Variants in MCPH1 observed in about 807,000 individuals in gnomAD.
MCPH1 encodes microcephalin 1, also known as microcephalin.
Under a neutral mutation model 84.5 loss-of-function variants are expected in MCPH1, and 104 were observed. That is an observed-to-expected ratio of 1.23 (90% CI 1.05 to 1.45). The LOEUF (loss-of-function observed/expected upper bound fraction) is 1.45. Ranked by LOEUF, MCPH1 falls within the 40% of genes most tolerant of loss-of-function variation. MCPH1 has a pLI of 0.00. For missense variants in MCPH1, 1,498 were observed against 1,005.7 expected, an observed-to-expected ratio of 1.49 and a Z score of -6.62; for synonymous variants, 514 against 366.8, an observed-to-expected ratio of 1.40 and a Z score of -4.58.
chr8:6,490,065 C>A (rs1036743879), intron 11 of MCPH1, among the ~76,000 whole-genome samples: 3 of 152,036 alleles, frequency 2.0e-5, no homozygotes, highest in African/African-American at 7.2e-5. Context: ...CAGTGTAGAT[C>A]TCAGTTCCCC....
At chr8:6,589,988 C>T (rs1271649631) in intron 12 of MCPH1, among the ~76,000 whole-genome samples, 1 of 152,136 alleles carries the variant, frequency 6.6e-6, no homozygotes, top group African/African-American at 2.4e-5. Flanking sequence ...AAAGACATGG[C>T]ACTGTCCCCG....
chr8:6,622,799 G>C (rs1360352208), intron 13 of MCPH1, among the ~76,000 whole-genome samples: 1 of 152,116 alleles, frequency 6.6e-6, no homozygotes, highest in Non-Finnish European at 1.5e-5. Flanking sequence ...AAGGATACCA[G>C]TCAGATTGGA....
At chr8:6,514,897 A>T in intron 12 of MCPH1, 1 of 765,430 alleles carries the variant, frequency 1.3e-6, no homozygotes, top group Non-Finnish European at 2.2e-6. Flanking sequence ...TCTCTGGGAT[A>T]TAAGGCACGG....
intron 11 of MCPH1, among the ~76,000 whole-genome samples, chr8:6,497,905 A>G (rs917663162): frequency 2.0e-5 from 3 of 152,234 alleles, no homozygotes; most frequent in African/African-American, 4.8e-5. Context: ...ATGATGTCCT[A>G]TACCACAATA....
chr8:6,637,889 T>C (rs1278510624), intron 13 of MCPH1, among the ~76,000 whole-genome samples: 1 of 152,190 alleles, frequency 6.6e-6, no homozygotes, highest in Non-Finnish European at 1.5e-5. Context: ...ATATTTTAAA[T>C]ATACATTTCA....
chr8:6,574,372 G>A (rs1826894883), intron 12 of MCPH1, among the ~76,000 whole-genome samples: 1 of 152,058 alleles, frequency 6.6e-6, no homozygotes, highest in Non-Finnish European at 1.5e-5. Flanking sequence ...TTTTTATAAA[G>A]ATGCAGTCAC....
At chr8:6,413,142 C>G (rs951774333) in intron 2 of MCPH1, among the ~76,000 whole-genome samples, 23 of 152,312 alleles carry the variant, frequency 1.5e-4, no homozygotes, top group African/African-American at 5.1e-4. Flanking sequence ...CTTTATTATA[C>G]TGTTACCTTT....
chr8:6,413,654 G>C (rs1798842701), intron 2 of MCPH1, among the ~76,000 whole-genome samples: 1 of 151,512 alleles, frequency 6.6e-6, no homozygotes, highest in Non-Finnish European at 1.5e-5. Context: ...TATTTCTGTA[G>C]AAAATTTTTT....
chr8:6,621,800 G>C, intron 13 of MCPH1, 109 bp downstream of exon 13: 1 of 1,449,410 alleles, frequency 6.9e-7, no homozygotes, highest in South Asian at 1.1e-5. Flanking sequence ...GGGGCACCTG[G>C]GTTGATGTCT....
rs569123053 is a variant in MCPH1, at chr8:6,630,796, A to C, written c.2452+9105A>C. Reference sequence around the variant, plus strand: ...AACTCTGTCCTAAAAAAAAAAAACAAAAAAAAAAAACAATTATATATCAAC... The same window carrying C: ...AACTCTGTCCTAAAAAAAAAAAACACAAAAAAAAAACAATTATATATCAAC... On this transcript the variant is annotated intron_variant, in intron 13 of 13. Transcript: ENST00000344683. 2.2e-3 allele frequency among the ~76,000 whole-genome samples: 111 copies of C among 51,186 alleles called. No homozygotes were observed. In the East Asian group the frequency reaches 0.051, roughly 23 times the overall value. 33.6% of individuals were successfully genotyped at this position (51,186 alleles called of 152,430 possible). A position where few individuals can be genotyped will look rare whatever the true frequency, so the allele number is the denominator to read the frequency against.
rs1563305159 is a variant in MCPH1, at chr8:6,505,251, T to A, written c.2214+5322T>A. ...TATGTATATATAGAATATATATTCTTTATATATGTTTTATATATATGTATA... is the reference window on the plus strand; with the variant it reads ...TATGTATATATAGAATATATATTCTATATATATGTTTTATATATATGTATA... On this transcript the variant is annotated intron_variant, in intron 12 of 13. Transcript: ENST00000344683. 1.8e-3 allele frequency among the ~76,000 whole-genome samples: 146 copies of A among 82,118 alleles called. 23 individuals are homozygous for A. The highest frequency in any genetic ancestry group is 6.5e-3 in the African/African-American group (130 of 19,944). 53.9% of individuals were successfully genotyped at this position (82,118 alleles called of 152,430 possible).
chr8:6,422,440 CAAAATT>C (rs1800348685), intron 3 of MCPH1, among the ~76,000 whole-genome samples: 3 of 152,082 alleles, frequency 2.0e-5, no homozygotes, highest in African/African-American at 7.2e-5. Context: ...GATGCATGGA[CAAAATT>C]AAAATAGTAG....
intron 12 of MCPH1, among the ~76,000 whole-genome samples, chr8:6,531,313 A>T (rs1327015438): frequency 1.4e-5 from 2 of 139,786 alleles, no homozygotes; most frequent in African/African-American, 2.7e-5. Context: ...TTTTGAGTTG[A>T]AGTCTCACTC....
At chr8:6,564,872 A>G (rs1393875047) in intron 12 of MCPH1, among the ~76,000 whole-genome samples, 1 of 152,244 alleles carries the variant, frequency 6.6e-6, no homozygotes, top group Non-Finnish European at 1.5e-5. Flanking sequence ...ATAAAGTAGC[A>G]TGTGTCTTCT....
chr8:6,408,638 T>G (rs1563161945), intron 1 of MCPH1, among the ~76,000 whole-genome samples: 1 of 151,344 alleles, frequency 6.6e-6, no homozygotes, highest in Non-Finnish European at 1.5e-5. Flanking sequence ...GCTCTAGGGA[T>G]TCTCCCACCT....
chr8:6,421,026 G>C (rs1346685570), intron 3 of MCPH1, among the ~76,000 whole-genome samples: 2 of 152,208 alleles, frequency 1.3e-5, no homozygotes, highest in East Asian at 3.9e-4. Flanking sequence ...CCTGGGATTT[G>C]TAGGCTCGCC....
At chr8:6,476,527 A>G (rs914551513) in intron 9 of MCPH1, among the ~76,000 whole-genome samples, 8 of 152,164 alleles carry the variant, frequency 5.3e-5, no homozygotes, top group African/African-American at 1.7e-4. Flanking sequence ...TCCTGATGGC[A>G]TGAAATTCTT....
intron 12 of MCPH1, among the ~76,000 whole-genome samples, chr8:6,620,495 A>C (rs1252738038): frequency 6.6e-6 from 1 of 152,026 alleles, no homozygotes; most frequent in Non-Finnish European, 1.5e-5. Context: ...GCTGCCCCTG[A>C]CTGAGAGGAC....
At chr8:6,613,542 C>T (rs556481411) in intron 12 of MCPH1, among the ~76,000 whole-genome samples, 6 of 151,704 alleles carry the variant, frequency 4.0e-5, no homozygotes, top group Admixed American at 2.6e-4. Flanking sequence ...CCTGGGGCTG[C>T]AGACAAGGTG....
Sources: allele counts gnomAD v4.1 joint callset (sites outside exome capture counted in the v4.1 genomes callset), GRCh38; gene constraint gnomAD v4.1.1; transcripts MANE v1.5; gene names NCBI Gene and HGNC (gene_info 2026-07-23, HGNC 2026-07-21).